Variants in HEMK2 observed in about 807,000 individuals in gnomAD.
HEMK2 encodes HemK methyltransferase 2, ETF1 glutamine and histone H4 lysine.
chr21:28,617,690 C>CTACATAAAT, the HEMK2 span, among the ~76,000 whole-genome samples: 4 of 152,086 alleles, frequency 2.6e-5, no homozygotes, highest in African/African-American at 9.7e-5. Flanking sequence ...AATAATATTT[C>CTACATAAAT]TAAAGGTCAT....
At chr21:28,729,784 A>C in the HEMK2 span, among the ~76,000 whole-genome samples, 1 of 152,222 alleles carries the variant, frequency 6.6e-6, no homozygotes, top group Non-Finnish European at 1.5e-5. Context: ...CTTGCAAGAA[A>C]CTAATATCTA....
chr21:28,715,020 T>A, the HEMK2 span, among the ~76,000 whole-genome samples: 105 of 152,296 alleles, frequency 6.9e-4, no homozygotes, highest in African/African-American at 2.5e-3. Context: ...ATGTACCACA[T>A]TTTCTTTATC....
At chr21:28,815,392 GA>G in the HEMK2 span, among the ~76,000 whole-genome samples, 105 of 151,480 alleles carry the variant, frequency 6.9e-4, no homozygotes, top group African/African-American at 2.3e-3. Context: ...AAAAAAAAAA[GA>G]AAAAAAGATA....
chr21:28,620,387 C>T, the HEMK2 span, among the ~76,000 whole-genome samples: 2 of 152,070 alleles, frequency 1.3e-5, no homozygotes, highest in South Asian at 2.1e-4. Context: ...GCTGTGAATC[C>T]GTCTGGTCCT....
the HEMK2 span, among the ~76,000 whole-genome samples, chr21:28,723,226 G>A: frequency 6.6e-6 from 1 of 151,990 alleles, no homozygotes; most frequent in East Asian, 1.9e-4. Flanking sequence ...ATGTTGCCTG[G>A]GCTGGTCTCA....
chr21:28,806,714 G>GAC, the HEMK2 span, among the ~76,000 whole-genome samples: 1 of 152,174 alleles, frequency 6.6e-6, no homozygotes, highest in Non-Finnish European at 1.5e-5. Flanking sequence ...TATGTGAAGA[G>GAC]ACATCCAGGG....
chr21:28,831,674 AGAAAGAAAGAAGGAAG>A, the HEMK2 span, among the ~76,000 whole-genome samples: 2 of 44,922 alleles, frequency 4.5e-5, no homozygotes, highest in African/African-American at 2.0e-4. Flanking sequence ...AAAGAAAGAA[AGAAAGAAAGAAGGAAG>A]GAAGGAAGGA....
the HEMK2 span, among the ~76,000 whole-genome samples, chr21:28,610,229 G>C: frequency 6.6e-6 from 1 of 152,162 alleles, no homozygotes; most frequent in Non-Finnish European, 1.5e-5. Context: ...CTACAGGTTA[G>C]AAGGGATTGG....
the HEMK2 span, among the ~76,000 whole-genome samples, chr21:28,735,236 A>T: frequency 6.6e-6 from 1 of 152,244 alleles, no homozygotes; most frequent in Non-Finnish European, 1.5e-5. Context: ...TCTGTAACTC[A>T]GAAGTCTAGT....
chr21:28,781,018 T>C, the HEMK2 span, among the ~76,000 whole-genome samples: 1 of 152,160 alleles, frequency 6.6e-6, no homozygotes, highest in East Asian at 1.9e-4. Context: ...ATATTAAGAG[T>C]TTCCCAAAAG....
At chr21:28,815,161 C>A in the HEMK2 span, among the ~76,000 whole-genome samples, 1 of 143,160 alleles carries the variant, frequency 7.0e-6, no homozygotes, top group Non-Finnish European at 1.5e-5. Context: ...GTTCTCACTC[C>A]TAGGTGGGAA....
chr21:28,830,876 T>TA, the HEMK2 span, among the ~76,000 whole-genome samples: 4 of 35,342 alleles, frequency 1.1e-4, no homozygotes, highest in Non-Finnish European at 1.2e-4. Flanking sequence ...GACTCCATCT[T>TA]TAAAAAAAAA....
chr21:28,822,797 T>C, the HEMK2 span, among the ~76,000 whole-genome samples: 6 of 152,136 alleles, frequency 3.9e-5, no homozygotes, highest in South Asian at 8.3e-4. Flanking sequence ...GGGAAGCCCA[T>C]TACAATTCAG....
chr21:28,759,104 T>C, the HEMK2 span, among the ~76,000 whole-genome samples: 1 of 152,208 alleles, frequency 6.6e-6, no homozygotes, highest in East Asian at 1.9e-4. Context: ...TGCACAAGGC[T>C]CTGTGCTCCA....
chr21:28,664,107 TTA>T, the HEMK2 span, among the ~76,000 whole-genome samples: 24 of 152,344 alleles, frequency 1.6e-4, no homozygotes, highest in African/African-American at 5.8e-4. Context: ...GGAATTAGTT[TTA>T]TATGTGTTTA....
the HEMK2 span, among the ~76,000 whole-genome samples, chr21:28,735,784 G>A: frequency 3.9e-5 from 6 of 152,282 alleles, no homozygotes; most frequent in Non-Finnish European, 5.9e-5. Flanking sequence ...TATGCTCAAC[G>A]GATTTGGAAA....
chr21:28,716,387 T>C, the HEMK2 span, among the ~76,000 whole-genome samples: 2 of 151,500 alleles, frequency 1.3e-5, no homozygotes, highest in East Asian at 1.9e-4. Context: ...GTGGGTTTTT[T>C]TGTGGCTATT....
the HEMK2 span, among the ~76,000 whole-genome samples, chr21:28,681,746 G>A: frequency 8.6e-5 from 13 of 150,778 alleles, no homozygotes; most frequent in South Asian, 2.1e-4. Context: ...AAATAATGCC[G>A]CATATTTACA....
At chr21:28,755,524 G>T in the HEMK2 span, among the ~76,000 whole-genome samples, 2 of 152,176 alleles carry the variant, frequency 1.3e-5, no homozygotes, top group Non-Finnish European at 2.9e-5. Context: ...AATACAAGAG[G>T]TGTGATGTCT....
Sources: gnomAD v4.1 joint callset for allele counts (sites outside exome capture counted in the v4.1 genomes callset) on GRCh38, gnomAD v4.1.1 for gene constraint, MANE v1.5 for transcripts, NCBI Gene and HGNC (gene_info 2026-07-23, HGNC 2026-07-21) for gene names.